The following MOCOS variants were observed in gnomAD, a reference collection of about 807,000 sequenced individuals.
MOCOS encodes the protein molybdenum cofactor sulfurase, also known as human molybdenum cofactor sulfurase.
MOCOS carries 86 observed loss-of-function variants against 83.6 expected under a neutral mutation model. The ratio of observed to expected loss-of-function variants is 1.03; its 90% CI spans 0.86 to 1.23. The LOEUF (loss-of-function observed/expected upper bound fraction) is 1.23. Ranked by LOEUF, MOCOS falls within the 50% of genes most tolerant of loss-of-function variation. The pLI, the probability that MOCOS is intolerant of heterozygous loss-of-function variation, is 0.00. For missense variants in MOCOS, 1,120 were observed against 1,126.9 expected (o/e 0.99, Z 0.09); for synonymous variants, 445 against 434.7 (o/e 1.02, Z -0.29).
At chr18:36,235,954 C>T (rs575879347) in intron 9 of MOCOS, among the ~76,000 whole-genome samples, 1 of 150,710 alleles carries the variant, frequency 6.6e-6, no homozygotes, top group African/African-American at 2.4e-5. Context: ...TGTTCATGTC[C>T]TTCGCCCACT....
At chr18:36,238,096 A>C (rs1310638273) in intron 9 of MOCOS, among the ~76,000 whole-genome samples, 1 of 147,834 alleles carries the variant, frequency 6.8e-6, no homozygotes, top group Non-Finnish European at 1.5e-5. Flanking sequence ...TCCTGGATTC[A>C]TTAATTTTTT....
intron 8 of MOCOS, among the ~76,000 whole-genome samples, chr18:36,216,435 G>A (rs1191290460): frequency 2.6e-5 from 4 of 152,280 alleles, no homozygotes; most frequent in Admixed American, 1.3e-4. Flanking sequence ...AGGAGCTCCC[G>A]TTGGCCAAGT....
In MOCOS at chr18:36,270,833, G is replaced by A. The variant is rs2091697053; in HGVS notation, c.*2148G>A. On this transcript the variant is annotated 3_prime_UTR_variant, in exon 15 of 15. Transcript: ENST00000261326. ...CTGATTTCAGGCTTTTTGTTTTTTT[G>A]AGACAGGGTCTCACTCTGTCACCCA... 1 of 148,244 alleles carries A rather than the reference G, an allele frequency of 6.7e-6. No individual in the cohort carries two copies. The highest frequency in any genetic ancestry group is 1.5e-5 in the Non-Finnish European group (1 of 67,286). 9.2% of individuals were successfully genotyped at this position (148,244 alleles called of 1,614,324 possible).
intron 5 of MOCOS, among the ~76,000 whole-genome samples, chr18:36,204,580 T>C (rs1270952186): frequency 6.6e-6 from 1 of 152,196 alleles, no homozygotes; most frequent in Non-Finnish European, 1.5e-5. Context: ...ATTCTGTTGT[T>C]CAGTACTGAA....
At chr18:36,207,988 G>A (rs1156258097) in intron 6 of MOCOS, among the ~76,000 whole-genome samples, 1 of 152,140 alleles carries the variant, frequency 6.6e-6, no homozygotes, top group Non-Finnish European at 1.5e-5. Flanking sequence ...ATAGGAAAGG[G>A]TCCCATTTCA....
chr18:36,238,345 G>T (rs796180932), intron 9 of MOCOS, among the ~76,000 whole-genome samples: 4 of 149,132 alleles, frequency 2.7e-5, no homozygotes, highest in Non-Finnish European at 6.0e-5. Context: ...CTTTGTTCTC[G>T]TTGGTTTCAA....
rs749153353 is a variant in MOCOS at position 36,213,435 on chromosome 18, C to T, written c.1288C>T (p.Gln430Ter). ...TGCFCNTGAC[Q>*]RHLGISNEMV... is the part of the protein sequence containing the mutation. ...CTGCTTCTGTAACACTGGGGCCTGC[C>T]AGAGGCACCTGGGCATAAGCAACGA... is the stretch of plus-strand genomic sequence containing the variant. The change falls in exon 7 of 15, where the codon CAG becomes TAG. Residue 430 changes from glutamine to a stop codon, truncating the protein, a stop_gained. Coordinates refer to ENST00000261326, the MANE Select transcript of MOCOS (RefSeq NM_017947.4). LOFTEE classifies it high-confidence loss of function. 3.1e-6 allele frequency: 5 copies of T among 1,614,088 alleles called. No individual in the cohort carries two copies. In the South Asian group the frequency reaches 4.4e-5, roughly 14 times the overall value.
chr18:36,187,679 C>T lies in MOCOS; in HGVS notation c.140C>T (p.Ala47Val). 2 of 1,265,904 alleles carry T rather than the reference C, an allele frequency of 1.6e-6. No homozygotes were observed. The highest frequency in any genetic ancestry group is 3.7e-5 in the Admixed American group (1 of 26,910). The allele number at this position is 1,265,904 out of a possible 1,614,324, so 78.4% of individuals were successfully genotyped here. The change falls in exon 1 of 15, where the codon GCA becomes GTA. Residue 47 changes from alanine (A) to valine (V), a missense_variant and splice_region_variant. Physicochemically the swap from Ala to Val is moderately conservative, Grantham distance 64 (BLOSUM62 0). Coordinates refer to ENST00000261326, the MANE Select transcript of MOCOS (RefSeq NM_017947.4). ...ELRAREFSRLAGTVYLDHAGA... is the reference protein window; with the variant it reads ...ELRAREFSRLVGTVYLDHAGA... Reference sequence around the variant, plus strand: ...CGGGCGCGCGAGTTCAGCCGCCTGGCAGGTGAGGCGGGCGGGCAGGCTTGG... The same window carrying T: ...CGGGCGCGCGAGTTCAGCCGCCTGGTAGGTGAGGCGGGCGGGCAGGCTTGG...
rs1391717835 is a variant in MOCOS at position 36,260,116 on chromosome 18, A to G, written c.2350A>G (p.Lys784Glu). 2 of 1,614,194 alleles carry G rather than the reference A, an allele frequency of 1.2e-6. No individual in the cohort carries two copies. Among genetic ancestry groups the G allele is most frequent in the Non-Finnish European group, 1.7e-6 (2 of 1,180,024 alleles). The stretch of plus-strand genomic sequence containing the variant: ...TCGTGCCAATATTATTATCAATGGA[A>G]AAAGGGCTTTTGAAGAAGAGAAATG... The part of the protein sequence containing the change: ...RFRANIIING[K>E]RAFEEEKWDE... The change falls in exon 13 of 15, where the codon AAA becomes GAA. Residue 784 changes from lysine to glutamate, a missense_variant. Physicochemically the swap from Lys to Glu is moderately conservative, Grantham distance 56. Transcript: ENST00000261326.
intron 13 of MOCOS, among the ~76,000 whole-genome samples, chr18:36,262,762 G>C (rs4426422): frequency 3.3e-5 from 5 of 152,098 alleles, no homozygotes; most frequent in Non-Finnish European, 5.9e-5. Context: ...GCCTCCCAGT[G>C]TTGGGATTAT....
chr18:36,248,852 G>A, intron 9 of MOCOS, 70 bp from the exon 10 acceptor site: 4 of 1,267,476 alleles, frequency 3.2e-6, no homozygotes, highest in Non-Finnish European at 4.6e-6. Flanking sequence ...CAGCTTTGTA[G>A]TATATTTTGA....
At chr18:36,244,682 T>A (rs1483699142) in intron 9 of MOCOS, among the ~76,000 whole-genome samples, 1 of 152,196 alleles carries the variant, frequency 6.6e-6, no homozygotes, top group Non-Finnish European at 1.5e-5. Flanking sequence ...TTTGTTGACC[T>A]GTCTTGATGA....
chr18:36,271,346 ATATT>A lies in MOCOS; in HGVS notation c.*2662_*2665del, dbSNP rs1178640907. 1.3e-5 allele frequency: 2 copies of A among 152,104 alleles called. No individual in the cohort carries two copies. Among genetic ancestry groups the A allele is most frequent in the African/African-American group, 2.4e-5 (1 of 41,454 alleles). The allele number at this position is 152,104 out of a possible 1,614,324, so 9.4% of individuals were successfully genotyped here. A position where few individuals can be genotyped will look rare whatever the true frequency, so the allele number is the denominator to read the frequency against. On this transcript the variant is annotated 3_prime_UTR_variant, in exon 15 of 15. Coordinates refer to ENST00000261326, the MANE Select transcript of MOCOS (RefSeq NM_017947.4). ...CCTATTTTTATCATTAATTGATTGA[ATATT>A]AATTAAATATATTTTATTAATTTAA...
At chr18:36,239,098 T>G (rs1394092102) in intron 9 of MOCOS, among the ~76,000 whole-genome samples, 2 of 149,854 alleles carry the variant, frequency 1.3e-5, no homozygotes, top group African/African-American at 2.4e-5. Flanking sequence ...AATTTGCCAG[T>G]CTGTGTCTTT....
In MOCOS at chr18:36,189,340, C is replaced by G. The variant is rs2091355931; in HGVS notation, c.142+1659C>G. Among the ~76,000 whole-genome samples the G allele has an allele frequency of 2.6e-5, 4 of 152,144 alleles. No homozygotes were observed. In the South Asian group the frequency reaches 6.2e-4, roughly 24 times the overall value. On this transcript the variant is annotated intron_variant, in intron 1 of 14. Transcript: ENST00000261326. ...TATTTAATGCAAGTTCCTTGTATTTCCTCTACATTACGGTTAAAGCAGACA... is the reference window on the plus strand; with the variant it reads ...TATTTAATGCAAGTTCCTTGTATTTGCTCTACATTACGGTTAAAGCAGACA...
intron 11 of MOCOS, among the ~76,000 whole-genome samples, chr18:36,253,197 G>C (rs775005340): frequency 7.9e-5 from 12 of 152,210 alleles, no homozygotes; most frequent in Non-Finnish European, 1.3e-4. Context: ...GGCTGAGATA[G>C]TTAAGCCTTA....
intron 4 of MOCOS, among the ~76,000 whole-genome samples, chr18:36,201,711 A>G (rs935381483): frequency 1.4e-5 from 2 of 145,924 alleles, no homozygotes; most frequent in African/African-American, 5.1e-5. Context: ...TAGAGCTAAC[A>G]TGGGTGAAGT....
At chr18:36,243,876 T>G (rs2091593190) in intron 9 of MOCOS, among the ~76,000 whole-genome samples, 1 of 152,176 alleles carries the variant, frequency 6.6e-6, no homozygotes, top group African/African-American at 2.4e-5. Context: ...TTTATCCATC[T>G]TCTCTAGGTT....
At chr18:36,229,413 A>G (rs1036204177) in intron 9 of MOCOS, among the ~76,000 whole-genome samples, 1 of 152,146 alleles carries the variant, frequency 6.6e-6, no homozygotes, top group Non-Finnish European at 1.5e-5. Context: ...ATGACAAGTC[A>G]GTTTTCCCTT....
Sources: allele counts gnomAD v4.1 joint callset (sites outside exome capture counted in the v4.1 genomes callset), GRCh38; gene constraint gnomAD v4.1.1; transcripts MANE v1.5; gene names NCBI Gene and HGNC (gene_info 2026-07-23, HGNC 2026-07-21).